The following PLCH1 variants were observed in gnomAD, a reference collection of about 807,000 sequenced individuals.
PLCH1 encodes 1-phosphatidylinositol 4,5-bisphosphate phosphodiesterase eta-1.
A neutral mutation model predicts 126.7 loss-of-function variants in PLCH1; 60 were observed. That is an observed-to-expected ratio of 0.47 (90% CI 0.38 to 0.59). PLCH1 has a LOEUF of 0.59. Ranked by LOEUF, PLCH1 falls within the 20% of genes least tolerant of loss-of-function variation. The pLI is 0.00. For missense variants in PLCH1, 1,723 were observed against 2,040.0 expected (o/e 0.84, Z 2.99); for synonymous variants, 719 against 734.9 (o/e 0.98, Z 0.35).
chr3:155,587,611 G>A (rs1407539395), intron 4 of PLCH1, among the ~76,000 whole-genome samples: 1 of 152,228 alleles, frequency 6.6e-6, no homozygotes, highest in African/African-American at 2.4e-5. Flanking sequence ...CAAACATAAT[G>A]TGCTAGGAGG....
chr3:155,683,503 G>T (rs1386017765), intron 2 of PLCH1, among the ~76,000 whole-genome samples: 1 of 152,114 alleles, frequency 6.6e-6, no homozygotes, highest in African/African-American at 2.4e-5. Context: ...TGCAGCCAGG[G>T]AACACTAAAG....
rs765883542 is a variant in PLCH1, at chr3:155,568,357, C to T, written c.772-33G>A. ...AAACAGAATACTAGTAGAGTACCTG[C>T]AATTTCATAAACTATGTTCCTCCAC... On this transcript the variant is annotated intron_variant, in intron 6 of 22. Coordinates refer to ENST00000460012, the MANE Select transcript of PLCH1 (RefSeq NM_014996.4). The T allele has an allele frequency of 6.8e-6, 6 of 880,690 alleles. No individual in the cohort carries two copies. In the Admixed American group the frequency reaches 1.2e-4, roughly 18 times the overall value. 54.6% of individuals were successfully genotyped at this position (880,690 alleles called of 1,614,324 possible).
intron 1 of PLCH1, chr3:155,742,472 C>A (rs994596925): frequency 2.0e-4 from 30 of 152,092 alleles, no homozygotes; most frequent in African/African-American, 6.5e-4. Flanking sequence ...ATCAACCTTC[C>A]CTCTCTTTGT....
chr3:155,685,730 T>A (rs1435984139), intron 2 of PLCH1, among the ~76,000 whole-genome samples: 1 of 152,210 alleles, frequency 6.6e-6, no homozygotes, highest in Non-Finnish European at 1.5e-5. Flanking sequence ...ATATAAGTGC[T>A]TTAAGCAGGA....
chr3:155,735,510 T>C (rs1451675931), intron 1 of PLCH1, among the ~76,000 whole-genome samples: 2 of 151,890 alleles, frequency 1.3e-5, no homozygotes, highest in Non-Finnish European at 2.9e-5. Flanking sequence ...GGCAGGCACC[T>C]GTAATCCCAG....
Position 155,592,754 on chromosome 3 carries a change from TA to T in PLCH1, c.470+1186del, listed in dbSNP as rs1280313383. 3.3e-5 allele frequency among the ~76,000 whole-genome samples: 5 copies of T among 152,196 alleles called. No individual in the cohort carries two copies. In the East Asian group the frequency reaches 9.6e-4, roughly 29 times the overall value. ...TATTCTTTATTGTTTAAGGCACTGT[TA>T]GTACGGTTTCTGATACTTGTACCAG... On this transcript the variant is annotated intron_variant, in intron 4 of 22. Coordinates refer to ENST00000460012, the MANE Select transcript of PLCH1 (RefSeq NM_014996.4).
At chr3:155,741,685 T>TTTTATTTTTTTTTTA (rs1491520986) in intron 1 of PLCH1, among the ~76,000 whole-genome samples, 4 of 57,326 alleles carry the variant, frequency 7.0e-5, no homozygotes, top group African/African-American at 2.6e-4. Flanking sequence ...TTATATCCTC[T>TTTTATTTTTTTTTTA]TTTTTTTTTT....
intron 19 of PLCH1, 94 bp downstream of exon 19, chr3:155,490,690 A>G: frequency 1.4e-6 from 1 of 690,276 alleles, no homozygotes; most frequent in Non-Finnish European, 2.5e-6. Flanking sequence ...CGGATTTTAG[A>G]GATTTCTTGC....
intron 11 of PLCH1, among the ~76,000 whole-genome samples, chr3:155,521,576 A>G (rs1468077763): frequency 6.6e-6 from 1 of 152,242 alleles, no homozygotes. Context: ...ATTGGTTCAT[A>G]TAAACTATCC....
chr3:155,721,891 T>C (rs1162116450), intron 1 of PLCH1, among the ~76,000 whole-genome samples: 1 of 151,856 alleles, frequency 6.6e-6, no homozygotes, highest in African/African-American at 2.4e-5. Flanking sequence ...CTACTAAAAA[T>C]ACAAAATTAG....
At chr3:155,593,516 A>T (rs1732480049) in intron 4 of PLCH1, among the ~76,000 whole-genome samples, 1 of 152,242 alleles carries the variant, frequency 6.6e-6, no homozygotes, top group African/African-American at 2.4e-5. Flanking sequence ...CGCAACTCAC[A>T]AAGTATTTGT....
chr3:155,572,117 C>T (rs552237000), intron 6 of PLCH1, among the ~76,000 whole-genome samples: 1 of 152,174 alleles, frequency 6.6e-6, no homozygotes, highest in African/African-American at 2.4e-5. Context: ...TTTTTTTCTC[C>T]CTACAAAAGT....
intron 1 of PLCH1, among the ~76,000 whole-genome samples, chr3:155,731,830 A>T (rs1748791350): frequency 6.6e-6 from 1 of 152,048 alleles, no homozygotes; most frequent in African/African-American, 2.4e-5. Flanking sequence ...AGAAAATACA[A>T]AAATTAGCCA....
intron 10 of PLCH1, among the ~76,000 whole-genome samples, chr3:155,548,911 T>G (rs943670847): frequency 1.3e-5 from 2 of 152,218 alleles, no homozygotes; most frequent in Non-Finnish European, 2.9e-5. Context: ...AAAGCCCCAG[T>G]TGAAGTCCTG....
chr3:155,727,322 G>C (rs1167060982), intron 1 of PLCH1, among the ~76,000 whole-genome samples: 1 of 149,510 alleles, frequency 6.7e-6, no homozygotes, highest in Non-Finnish European at 1.5e-5. Context: ...ATAAAAAATA[G>C]ATTTCACCAA....
Position 155,488,797 on chromosome 3 carries a change from G to A in PLCH1, c.2402C>T (p.Pro801Leu). 6.2e-7 allele frequency: 1 copy of A among 1,608,630 alleles called. No homozygotes were observed. The highest frequency in any genetic ancestry group is 8.5e-7 in the Non-Finnish European group (1 of 1,178,480). ...AAATGTCAGTGTTTCTTCCCACACA[G>A]GGTTAAATCCTCAGAGAAATAGGAA... ...TRVVDDNGFN[P>L]VWEETLTFTV... The change falls in exon 20 of 23, where the codon CCT becomes CTT. Residue 801 changes from proline (P) to leucine (L), a missense_variant. By Grantham distance (98) the Pro-to-Leu change is moderately conservative. This residue lies in a region of PLCH1 where 776 missense variants were observed against 1,062.9 expected (regional missense o/e 0.73). Coordinates refer to ENST00000460012, the MANE Select transcript of PLCH1 (RefSeq NM_014996.4).
intron 10 of PLCH1, among the ~76,000 whole-genome samples, chr3:155,544,057 G>A (rs1402147773): frequency 1.3e-5 from 2 of 148,746 alleles, no homozygotes; most frequent in African/African-American, 4.9e-5. Flanking sequence ...TAAATTAAAT[G>A]GACTAAATGC....
intron 1 of PLCH1, among the ~76,000 whole-genome samples, chr3:155,735,118 A>G (rs1241518033): frequency 6.6e-6 from 1 of 152,190 alleles, no homozygotes; most frequent in Non-Finnish European, 1.5e-5. Context: ...AGACACAGAA[A>G]GACAAATACC....
chr3:155,585,358 A>T (rs553825804), intron 5 of PLCH1, among the ~76,000 whole-genome samples: 4 of 152,366 alleles, frequency 2.6e-5, no homozygotes, highest in South Asian at 2.1e-4. Flanking sequence ...AACATGGATT[A>T]TGCACGCAAC....
Sources: allele counts gnomAD v4.1 joint callset (sites outside exome capture counted in the v4.1 genomes callset), GRCh38; gene constraint gnomAD v4.1.1; regional missense constraint gnomAD v4.1.1; transcripts MANE v1.5; gene names NCBI Gene and HGNC (gene_info 2026-07-23, HGNC 2026-07-21).